The following TENM4 variants were observed in gnomAD, a reference collection of about 807,000 sequenced individuals.
TENM4 encodes the protein teneurin-4.
A neutral mutation model predicts 243.3 loss-of-function variants in TENM4; 82 were observed. That is an observed-to-expected ratio of 0.34 (90% confidence interval 0.28 to 0.40). The LOEUF (loss-of-function observed/expected upper bound fraction) is 0.40, where lower values mean the gene tolerates loss of function less well. TENM4 is among the 10% of genes least tolerant of loss of function. The probability of loss-of-function intolerance (pLI) is 1.00; values close to 1 mark genes in which losing one functional copy is unlikely to be tolerated. For missense variants in TENM4, 3,138 were observed against 3,673.3 expected, an observed-to-expected ratio of 0.85 and a Z score of 3.77; for synonymous variants, 1,412 against 1,456.3, an observed-to-expected ratio of 0.97 and a Z score of 0.69.
intron 6 of TENM4, among the ~76,000 whole-genome samples, chr11:78,951,723 C>T (rs977300439): frequency 6.6e-6 from 1 of 152,140 alleles, no homozygotes; most frequent in African/African-American, 2.4e-5. Context: ...GATCAGGGCT[C>T]TACCCTTATG....
chr11:79,088,555 T>A (rs1477412745), intron 4 of TENM4, among the ~76,000 whole-genome samples: 3 of 152,186 alleles, frequency 2.0e-5, no homozygotes, highest in African/African-American at 7.2e-5. Flanking sequence ...GAAGTGGAGA[T>A]AATTGACCTA....
chr11:78,658,982 C>T (rs996945845), intron 33 of TENM4, among the ~76,000 whole-genome samples, 166 bp from the exon 34 acceptor site: 6 of 152,068 alleles, frequency 3.9e-5, no homozygotes, highest in Non-Finnish European at 8.8e-5. Flanking sequence ...GCCAGAAGGT[C>T]AGAACATCTG....
At chr11:78,904,341 C>T (rs1049211001) in intron 6 of TENM4, among the ~76,000 whole-genome samples, 3 of 112,304 alleles carry the variant, frequency 2.7e-5, no homozygotes, top group African/African-American at 9.9e-5. Context: ...GCCTGAGCTA[C>T]AGAGCAAGAC....
chr11:79,171,439 G>A (rs928452786), intron 3 of TENM4, among the ~76,000 whole-genome samples: 1 of 152,200 alleles, frequency 6.6e-6, no homozygotes, highest in South Asian at 2.1e-4. Flanking sequence ...ACCCAGCCAT[G>A]GAAACGCTGT....
At position 78,819,311 on chromosome 11, in the gene TENM4, A is replaced by G. The variant is rs554501151; in HGVS notation, c.1682-4916T>C. Among the ~76,000 whole-genome samples the G allele has an allele frequency of 2.0e-5, 3 of 152,320 alleles. No individual in the cohort carries two copies. In the South Asian group the frequency reaches 6.2e-4, roughly 32 times the overall value. On this transcript the variant is annotated intron_variant, in intron 12 of 33. Coordinates refer to ENST00000278550, the MANE Select transcript of TENM4 (RefSeq NM_001098816.3). ...TGAAAGATGATCACAGCTGATAACT[A>G]AGTTCTCCTGAGTCCAGGGTTGATG...
Position 78,899,561 on chromosome 11 carries a change from G to GGGC in TENM4, c.749+3706_749+3707insGCC, listed in dbSNP as rs1855879286. The stretch of plus-strand genomic sequence containing the variant: ...CCACTGCACTCTGTCTCAAAAAGCG[G>GGGC]GGGGGGGGGGAAAAAGAAAAAAGAA... On this transcript the variant is annotated intron_variant, in intron 7 of 33. Coordinates refer to ENST00000278550, the MANE Select transcript of TENM4 (RefSeq NM_001098816.3). Among the ~76,000 whole-genome samples, 4 of 127,354 alleles carry GGGC rather than the reference G, an allele frequency of 3.1e-5. 1 individual carries two copies. Among genetic ancestry groups the GGGC allele is most frequent in the Middle Eastern group, 3.8e-3 (1 of 264 alleles). The allele number at this position is 127,354 out of a possible 152,430, so 83.5% of individuals were successfully genotyped here.
chr11:79,285,954 T>C (rs774423770), intron 2 of TENM4, among the ~76,000 whole-genome samples: 21 of 152,122 alleles, frequency 1.4e-4, no homozygotes, highest in Non-Finnish European at 2.1e-4. Flanking sequence ...TAAAGTTAGA[T>C]TGTGGTGATG....
intron 1 of TENM4, among the ~76,000 whole-genome samples, chr11:79,383,006 C>G (rs1858036508): frequency 6.6e-6 from 1 of 152,162 alleles, no homozygotes; most frequent in Non-Finnish European, 1.5e-5. Context: ...CCCCTACAGA[C>G]CCTTCCCTTC....
At chr11:79,348,010 A>G (rs1012297741) in intron 1 of TENM4, among the ~76,000 whole-genome samples, 2 of 150,338 alleles carry the variant, frequency 1.3e-5, no homozygotes, top group African/African-American at 4.9e-5. Context: ...CGATCTCCGG[A>G]CCTCATGATC....
chr11:78,859,685 TTGCA>T (rs1158047897), intron 10 of TENM4, among the ~76,000 whole-genome samples: 1 of 152,250 alleles, frequency 6.6e-6, no homozygotes, highest in Non-Finnish European at 1.5e-5. Flanking sequence ...ATGCAATAAC[TTGCA>T]TGAAGAATTC....
At chr11:78,950,440 C>T (rs1857088104) in intron 6 of TENM4, among the ~76,000 whole-genome samples, 1 of 152,122 alleles carries the variant, frequency 6.6e-6, no homozygotes, top group African/African-American at 2.4e-5. Flanking sequence ...GACCCTATGG[C>T]TGCCTGAGGG....
At chr11:79,363,505 G>C (rs986926735) in intron 1 of TENM4, among the ~76,000 whole-genome samples, 1 of 152,200 alleles carries the variant, frequency 6.6e-6, no homozygotes, top group Middle Eastern at 3.2e-3. Context: ...GGTGCAGTCT[G>C]TTGTGACTAT....
intron 6 of TENM4, among the ~76,000 whole-genome samples, chr11:79,038,838 A>T (rs1315249099): frequency 6.6e-6 from 1 of 152,216 alleles, no homozygotes; most frequent in Non-Finnish European, 1.5e-5. Context: ...GCCTCATAGA[A>T]GAGAAAGAGC....
At position 78,962,452 on chromosome 11, in the gene TENM4, G is replaced by C. The variant is rs567891961; in HGVS notation, c.494-58929C>G. ...GGAGCAAAATAAAACACTCATCAAC[G>C]GGAAGGGGGGGCTCCCAACACGGGG... On this transcript the variant is annotated intron_variant, in intron 6 of 33. Transcript: ENST00000278550. Among the ~76,000 whole-genome samples, 266 of 150,942 alleles carry C rather than the reference G, an allele frequency of 1.8e-3. 1 individual carries two copies. The highest frequency in any genetic ancestry group is 2.9e-3 in the Non-Finnish European group (194 of 67,638).
At chr11:78,791,679 T>C (rs1448647313) in intron 15 of TENM4, among the ~76,000 whole-genome samples, 1 of 152,228 alleles carries the variant, frequency 6.6e-6, no homozygotes, top group Non-Finnish European at 1.5e-5. Flanking sequence ...CAATTTAGCA[T>C]GAACAAAAGT....
chr11:78,793,094 G>A (rs932055092), intron 15 of TENM4, among the ~76,000 whole-genome samples: 1 of 152,198 alleles, frequency 6.6e-6, no homozygotes, highest in Non-Finnish European at 1.5e-5. Context: ...TGAAGCCTGG[G>A]ACCTATCGCT....
chr11:79,399,435 A>G (rs1232389593), intron 1 of TENM4, among the ~76,000 whole-genome samples: 1 of 152,196 alleles, frequency 6.6e-6, no homozygotes, highest in Admixed American at 6.5e-5. Context: ...AAGGAAGAAG[A>G]ACTGGGGAGT....
chr11:79,131,877 A>G (rs1862009676), intron 4 of TENM4, among the ~76,000 whole-genome samples: 2 of 152,176 alleles, frequency 1.3e-5, no homozygotes, highest in South Asian at 4.1e-4. Flanking sequence ...AAAAGCCAGC[A>G]GGGGTAGCTA....
At chr11:79,241,789 C>T (rs1057328816) in intron 2 of TENM4, among the ~76,000 whole-genome samples, 1 of 152,070 alleles carries the variant, frequency 6.6e-6, no homozygotes, top group Non-Finnish European at 1.5e-5. Context: ...GCTCAGCCAC[C>T]AGCCTTAAGA....
Sources: gnomAD v4.1 joint callset for allele counts (sites outside exome capture counted in the v4.1 genomes callset) on GRCh38, gnomAD v4.1.1 for gene constraint, MANE v1.5 for transcripts, NCBI Gene and HGNC (gene_info 2026-07-23, HGNC 2026-07-21) for gene names.